GRK5: variants seen among roughly 807,000 people sequenced by gnomAD.
The protein encoded by GRK5 is g protein-coupled receptor kinase GRK5.
In GRK5, 40 loss-of-function variants were observed where a neutral mutation model predicts 78.4. The observed-to-expected ratio is 0.51, with a 90% CI of 0.40 to 0.66. GRK5 has a LOEUF of 0.66. GRK5 is among the 30% of genes least tolerant of loss of function. GRK5 has a pLI of 0.00. For missense variants in GRK5, 598 were observed against 759.9 expected (o/e 0.79, Z 2.50); for synonymous variants, 289 against 296.8 (o/e 0.97, Z 0.27).
intron 2 of GRK5, among the ~76,000 whole-genome samples, chr10:119,346,146 A>G (rs1851088426): frequency 6.6e-6 from 1 of 152,186 alleles, no homozygotes; most frequent in Non-Finnish European, 1.5e-5. Flanking sequence ...CCCTGTTACA[A>G]TGCCTGGGCT....
chr10:119,353,081 G>A (rs149304942), intron 2 of GRK5, among the ~76,000 whole-genome samples: 9 of 152,298 alleles, frequency 5.9e-5, no homozygotes, highest in South Asian at 4.2e-4. Context: ...ATGTTGTTCC[G>A]GGGACTGGTT....
chr10:119,207,625 G>C lies in GRK5; in HGVS notation c.-293G>C. The C allele has an allele frequency of 5.8e-6, 2 of 346,308 alleles. No homozygotes were observed. The highest frequency in any genetic ancestry group is 5.1e-5 in the South Asian group (2 of 39,040). 21.5% of individuals were successfully genotyped at this position (346,308 alleles called of 1,614,324 possible). ...GGGAGCCGGAGGGGAGGAGAATGGA[G>C]TGACAGAGACACGCGGAGGGTGGGG... On this transcript the variant is annotated 5_prime_UTR_variant, in exon 1 of 16. Transcript: ENST00000392870.
intron 4 of GRK5, among the ~76,000 whole-genome samples, chr10:119,405,417 G>A (rs1166896553): frequency 6.6e-6 from 1 of 152,076 alleles, no homozygotes; most frequent in East Asian, 1.9e-4. Flanking sequence ...TGTGAAGGGG[G>A]AAGTTACCCA....
At chr10:119,220,509 T>C (rs1848640132) in intron 1 of GRK5, among the ~76,000 whole-genome samples, 1 of 152,190 alleles carries the variant, frequency 6.6e-6, no homozygotes, top group Admixed American at 6.5e-5. Flanking sequence ...TCATGGTCCT[T>C]GGTATTTTTG....
chr10:119,260,013 T>G (rs1589707211), intron 1 of GRK5, among the ~76,000 whole-genome samples: 1 of 152,166 alleles, frequency 6.6e-6, no homozygotes, highest in Non-Finnish European at 1.5e-5. Flanking sequence ...GTTGTTTTTT[T>G]TTTTGAGACG....
chr10:119,291,942 T>C (rs1849973986), intron 1 of GRK5, among the ~76,000 whole-genome samples: 2 of 128,258 alleles, frequency 1.6e-5, no homozygotes, highest in Admixed American at 7.6e-5. Context: ...TTTCCTCCTC[T>C]TTTTCCTCCT....
Position 119,212,761 on chromosome 10 carries a change from G to A in GRK5, c.52+4792G>A, listed in dbSNP as rs961689886. ...GGTGAAACTTGAGAAAACAGAAAGT[G>A]ACTACCAACAGGTGACACATTGAGA... On this transcript the variant is annotated intron_variant, in intron 1 of 15. Transcript: ENST00000392870. The A allele has an allele frequency of 4.6e-5, 7 of 152,350 alleles. No homozygotes were observed. The East Asian group carries it at 7.7e-4, about 17-fold the overall frequency. The allele number at this position is 152,350 out of a possible 1,614,324, so 9.4% of individuals were successfully genotyped here. A position where few individuals can be genotyped will look rare whatever the true frequency, so the allele number is the denominator to read the frequency against.
intron 1 of GRK5, among the ~76,000 whole-genome samples, chr10:119,261,056 C>G (rs1241091269): frequency 1.3e-5 from 1 of 74,920 alleles, no homozygotes; most frequent in Admixed American, 1.5e-4. Context: ...ACCTCCCTCC[C>G]GGACGGGGCG....
intron 1 of GRK5, among the ~76,000 whole-genome samples, chr10:119,324,155 T>C (rs1230351665): frequency 1.3e-5 from 2 of 152,232 alleles, no homozygotes; most frequent in African/African-American, 4.8e-5. Flanking sequence ...AGAATTTCTC[T>C]TGTATTCAGG....
At chr10:119,283,860 T>C (rs887725740) in intron 1 of GRK5, among the ~76,000 whole-genome samples, 1 of 152,330 alleles carries the variant, frequency 6.6e-6, no homozygotes, top group East Asian at 1.9e-4. Flanking sequence ...TCAAGGTTCA[T>C]CTTTGTGTCC....
intron 6 of GRK5, among the ~76,000 whole-genome samples, chr10:119,426,025 G>C (rs949172103): frequency 6.6e-6 from 1 of 152,210 alleles, no homozygotes; most frequent in Admixed American, 6.5e-5. Context: ...TGGTAGATGA[G>C]GGTGGGAGCC....
chr10:119,290,359 A>AAAACAAAACAAAAC (rs1564878559), intron 1 of GRK5, among the ~76,000 whole-genome samples: 64 of 142,572 alleles, frequency 4.5e-4, no homozygotes, highest in African/African-American at 1.7e-3. Context: ...AAAAAAAAAA[A>AAAACAAAACAAAAC]AAAACAAAAA....
chr10:119,295,811 TG>T (rs1319930542), intron 1 of GRK5, among the ~76,000 whole-genome samples: 10 of 148,226 alleles, frequency 6.7e-5, no homozygotes, highest in African/African-American at 2.2e-4. Flanking sequence ...TGGGGAAGGG[TG>T]GGGGGTGGTG....
chr10:119,452,233 G>A lies in GRK5; in HGVS notation c.1405-438G>A, dbSNP rs1169368383. 6.6e-6 allele frequency among the ~76,000 whole-genome samples: 1 copy of A among 152,220 alleles called. No individual in the cohort carries two copies. Among genetic ancestry groups the A allele is most frequent in the East Asian group, 1.9e-4 (1 of 5,198 alleles). On this transcript the variant is annotated intron_variant, in intron 13 of 15. Coordinates refer to ENST00000392870, the MANE Select transcript of GRK5 (RefSeq NM_005308.3). This position sits in a 1 kb window ranked among gnomAD's most constrained non-coding sequence, Gnocchi z 4.4. Reference sequence around the variant, plus strand: ...GTAAGGAAACAGGACATAGGCCTCAGGGGATATGAGACTTCCCCAAAGTTC... The same window carrying A: ...GTAAGGAAACAGGACATAGGCCTCAAGGGATATGAGACTTCCCCAAAGTTC...
At chr10:119,256,514 C>T (rs1236803544) in intron 1 of GRK5, among the ~76,000 whole-genome samples, 1 of 152,174 alleles carries the variant, frequency 6.6e-6, no homozygotes, top group African/African-American at 2.4e-5. Context: ...CTGCTGCCTC[C>T]TGTACACAGT....
At chr10:119,316,621 T>A (rs1473659878) in intron 1 of GRK5, among the ~76,000 whole-genome samples, 3 of 152,104 alleles carry the variant, frequency 2.0e-5, no homozygotes, top group African/African-American at 7.2e-5. Flanking sequence ...ACACTGACAA[T>A]TACAGTTCTA....
At chr10:119,360,387 G>T (rs1414441662) in intron 2 of GRK5, among the ~76,000 whole-genome samples, 1 of 152,218 alleles carries the variant, frequency 6.6e-6, no homozygotes, top group Admixed American at 6.5e-5. Flanking sequence ...CTTAGTGGGT[G>T]GCTTCTCAGA....
At chr10:119,402,705 T>G (rs1852169666) in intron 4 of GRK5, among the ~76,000 whole-genome samples, 2 of 151,864 alleles carry the variant, frequency 1.3e-5, no homozygotes, top group South Asian at 4.2e-4. Context: ...ATACAAAAAA[T>G]CAGCTGGGCA....
At chr10:119,437,270 C>CCCAT (rs1483116746) in intron 9 of GRK5, among the ~76,000 whole-genome samples, 5 of 152,180 alleles carry the variant, frequency 3.3e-5, no homozygotes, top group Admixed American at 3.3e-4. Flanking sequence ...ATCGGAGTGG[C>CCCAT]CCATGGTCCC....
Sources: gnomAD v4.1 joint callset for allele counts (sites outside exome capture counted in the v4.1 genomes callset) on GRCh38, gnomAD v4.1.1 for gene constraint, Gnocchi (gnomAD v3.1) non-coding constraint, MANE v1.5 for transcripts, NCBI Gene and HGNC (gene_info 2026-07-23, HGNC 2026-07-21) for gene names.